The following RNLS variants were observed in gnomAD, a reference collection of about 807,000 sequenced individuals.
The protein encoded by RNLS is renalase, FAD dependent amine oxidase, also known as renalase.
RNLS carries 39 observed loss-of-function variants against 39.8 expected under a neutral mutation model. The ratio of observed to expected loss-of-function variants is 0.98; its 90% CI spans 0.76 to 1.28. RNLS has a LOEUF of 1.28. Ranked by LOEUF, RNLS falls within the 50% of genes most tolerant of loss-of-function variation. The pLI is 0.00. For synonymous variants in RNLS, 147 were observed against 150.7 expected, an observed-to-expected ratio of 0.98 and a Z score of 0.18; for missense variants, 410 against 413.3, an observed-to-expected ratio of 0.99 and a Z score of 0.07.
chr10:88,411,231 C>G (rs1320993925), intron 4 of RNLS, among the ~76,000 whole-genome samples: 1 of 152,076 alleles, frequency 6.6e-6, no homozygotes, highest in Non-Finnish European at 1.5e-5. Flanking sequence ...ATGTTGAGAA[C>G]AAAACCTTAG....
intron 4 of RNLS, among the ~76,000 whole-genome samples, chr10:88,410,808 ATAAGAAATAAATTCAC>A (rs1321998807): frequency 3.3e-5 from 5 of 152,190 alleles, no homozygotes; most frequent in Non-Finnish European, 5.9e-5. Flanking sequence ...TAAAGAATAA[ATAAGAAATAAATTCAC>A]TAAGAAATAA....
intron 4 of RNLS, among the ~76,000 whole-genome samples, chr10:88,457,461 G>A (rs546980821): frequency 1.3e-5 from 2 of 152,256 alleles, no homozygotes; most frequent in Admixed American, 6.5e-5. Context: ...AAAACCATTT[G>A]CCACCTCAAC....
At position 88,275,011 on chromosome 10, in the gene RNLS, GA is replaced by G. The variant is rs770729473; in HGVS notation, c.897del (p.Leu300Ter). ...ATCCAGGGGCTCTTCGCACATCCTA[GA>G]ATCACACCAGCACTTGGTACCTGAA... On this transcript the variant is annotated frameshift_variant, in exon 7 of 7. Transcript: ENST00000371947. LOFTEE classifies it high-confidence loss of function. 4 of 1,613,140 alleles carry G rather than the reference GA, an allele frequency of 2.5e-6. No individual in the cohort carries two copies. Among genetic ancestry groups the G allele is most frequent in the Admixed American group, 3.3e-5 (2 of 59,914 alleles).
the RNLS span, among the ~76,000 whole-genome samples, chr10:88,217,738 G>GAAA: frequency 2.9e-4 from 28 of 97,600 alleles, 1 homozygote; most frequent in East Asian, 5.8e-4. Flanking sequence ...GCCTTCAAAT[G>GAAA]AAAAAAAAAA....
intron 4 of RNLS, among the ~76,000 whole-genome samples, chr10:88,391,006 G>A (rs181831622): frequency 3.3e-5 from 5 of 152,202 alleles, no homozygotes; most frequent in African/African-American, 1.2e-4. Context: ...ACTATACTTT[G>A]TTTCATTTGA....
intron 4 of RNLS, among the ~76,000 whole-genome samples, chr10:88,363,058 C>T (rs1014863440): frequency 6.6e-6 from 1 of 152,198 alleles, no homozygotes; most frequent in Non-Finnish European, 1.5e-5. Flanking sequence ...ACACTGACCC[C>T]TTACTACAAG....
At chr10:88,507,412 A>C (rs1845850897) in intron 4 of RNLS, among the ~76,000 whole-genome samples, 1 of 152,150 alleles carries the variant, frequency 6.6e-6, no homozygotes, top group Non-Finnish European at 1.5e-5. Context: ...CAAATCAATA[A>C]GAAAGTGCTA....
intron 4 of RNLS, among the ~76,000 whole-genome samples, chr10:88,540,884 C>T (rs542357306): frequency 2.9e-4 from 44 of 151,768 alleles, no homozygotes; most frequent in Non-Finnish European, 2.8e-4. Context: ...AGATAATTTG[C>T]TACCCTCAAT....
At chr10:88,311,579 T>C (rs2133035711) in intron 6 of RNLS, among the ~76,000 whole-genome samples, 1 of 152,328 alleles carries the variant, frequency 6.6e-6, no homozygotes, top group East Asian at 1.9e-4. Flanking sequence ...AAACGCCTTC[T>C]TTCTTCACCT....
intron 5 of RNLS, among the ~76,000 whole-genome samples, chr10:88,338,178 T>C (rs991195672): frequency 6.6e-6 from 1 of 152,174 alleles, no homozygotes; most frequent in Non-Finnish European, 1.5e-5. Flanking sequence ...ATTTTTCTAG[T>C]GTGGAAATTT....
chr10:88,241,969 A>G, the RNLS span, among the ~76,000 whole-genome samples: 1 of 151,702 alleles, frequency 6.6e-6, no homozygotes, highest in African/African-American at 2.4e-5. Flanking sequence ...CCTTACCCAT[A>G]TTCCTATGTT....
chr10:88,543,995 A>C (rs1388613663), intron 4 of RNLS, among the ~76,000 whole-genome samples: 1 of 152,176 alleles, frequency 6.6e-6, no homozygotes, highest in Non-Finnish European at 1.5e-5. Context: ...AGGTCTGTAG[A>C]GCCAGATGGC....
At chr10:88,470,117 C>A (rs1487809356) in intron 4 of RNLS, among the ~76,000 whole-genome samples, 1 of 151,914 alleles carries the variant, frequency 6.6e-6, no homozygotes, top group Non-Finnish European at 1.5e-5. Context: ...TTTCCTTTTA[C>A]CCATGGAAAC....
the RNLS span, among the ~76,000 whole-genome samples, chr10:88,195,829 C>T: frequency 6.6e-6 from 1 of 152,224 alleles, no homozygotes; most frequent in Non-Finnish European, 1.5e-5. Flanking sequence ...ATCATTAGAA[C>T]TGCTGGACCA....
intron 5 of RNLS, among the ~76,000 whole-genome samples, chr10:88,359,177 A>G (rs974015373): frequency 6.6e-6 from 1 of 152,110 alleles, no homozygotes; most frequent in East Asian, 1.9e-4. Context: ...TTAGCTGGGC[A>G]TGGAGGCGGG....
chr10:88,359,365 A>G (rs111397724), intron 5 of RNLS, among the ~76,000 whole-genome samples: 28 of 152,268 alleles, frequency 1.8e-4, no homozygotes, highest in African/African-American at 6.7e-4. Context: ...ATCAATATCA[A>G]TAAAATAGAG....
chr10:88,418,491 C>T (rs1001143020), intron 4 of RNLS, among the ~76,000 whole-genome samples: 38 of 152,294 alleles, frequency 2.5e-4, no homozygotes, highest in African/African-American at 4.1e-4. Context: ...ATACTTCTTT[C>T]ATTATGATGT....
intron 4 of RNLS, among the ~76,000 whole-genome samples, chr10:88,465,506 A>G (rs188626129): frequency 1.2e-3 from 179 of 152,206 alleles, no homozygotes; most frequent in Non-Finnish European, 2.0e-3. Context: ...AGTGCCAGTA[A>G]AAAGAGTGAG....
the RNLS span, among the ~76,000 whole-genome samples, chr10:88,258,772 C>T: frequency 1.3e-5 from 2 of 152,216 alleles, no homozygotes; most frequent in Non-Finnish European, 2.9e-5. Context: ...TGATTATTTT[C>T]TGCAGAGGAA....
Sources: gnomAD v4.1 joint callset for allele counts (sites outside exome capture counted in the v4.1 genomes callset) on GRCh38, gnomAD v4.1.1 for gene constraint, MANE v1.5 for transcripts, NCBI Gene and HGNC (gene_info 2026-07-23, HGNC 2026-07-21) for gene names.